TRPC6: variants seen among roughly 807,000 people sequenced by gnomAD.
The protein encoded by TRPC6 is short transient receptor potential channel 6.
TRPC6 carries 55 observed loss-of-function variants against 90.7 expected under a neutral mutation model. The observed-to-expected ratio is 0.61, with a 90% confidence interval of 0.49 to 0.76. The LOEUF (loss-of-function observed/expected upper bound fraction) is 0.76, where lower values mean the gene tolerates loss of function less well. Among genes scored for constraint, TRPC6 ranks in the 30% least tolerant of loss-of-function variants. The pLI is 0.00. For synonymous variants in TRPC6, 393 were observed against 393.0 expected, an observed-to-expected ratio of 1.00 and a Z score of 0.00; for missense variants, 989 against 1,122.7, an observed-to-expected ratio of 0.88 and a Z score of 1.70.
At chr11:101,564,371 G>T (rs1016215214) in intron 1 of TRPC6, among the ~76,000 whole-genome samples, 3 of 152,000 alleles carry the variant, frequency 2.0e-5, no homozygotes, top group African/African-American at 7.2e-5. Flanking sequence ...TTTTTCCATG[G>T]AATTTTTGAG....
At chr11:101,481,174 C>T (rs139675560) in intron 5 of TRPC6, among the ~76,000 whole-genome samples, 3,339 of 152,242 alleles carry the variant, frequency 0.022, 54 homozygotes, top group Non-Finnish European at 0.03. Context: ...GAAGACATGT[C>T]CTGCCTTAGA....
intron 10 of TRPC6, among the ~76,000 whole-genome samples, chr11:101,460,105 A>C (rs1388039040): frequency 6.6e-6 from 1 of 152,022 alleles, no homozygotes; most frequent in Non-Finnish European, 1.5e-5. Flanking sequence ...AGTTTTGATA[A>C]GGAAGGAAAA....
intron 1 of TRPC6, among the ~76,000 whole-genome samples, chr11:101,506,591 A>G (rs972046208): frequency 6.6e-6 from 1 of 152,196 alleles, no homozygotes; most frequent in African/African-American, 2.4e-5. Context: ...TTCAAAATCA[A>G]CCAAACTGAT....
intron 1 of TRPC6, among the ~76,000 whole-genome samples, chr11:101,551,970 A>C (rs1861459846): frequency 6.6e-6 from 1 of 152,026 alleles, no homozygotes. Context: ...TGGGGAACTG[A>C]TACAAAAATA....
chr11:101,515,597 TCA>T (rs1245145948), intron 1 of TRPC6, among the ~76,000 whole-genome samples: 1 of 113,464 alleles, frequency 8.8e-6, no homozygotes, highest in African/African-American at 3.5e-5. Flanking sequence ...CCCTAGTTTG[TCA>T]CAGTTTTTAG....
chr11:101,531,256 A>G (rs1011666269), intron 1 of TRPC6, among the ~76,000 whole-genome samples: 2 of 152,364 alleles, frequency 1.3e-5, no homozygotes, highest in Admixed American at 1.3e-4. Flanking sequence ...GAAAAAACTC[A>G]ATCCCCATAA....
chr11:101,562,820 G>A lies in TRPC6; in HGVS notation c.170+20514C>T, dbSNP rs535923200. ...AACCTCAGCTCTCCGAATTACCTAC[G>A]TGACTTTGCAAAAGTTAGTTCATGT... On this transcript the variant is annotated intron_variant, in intron 1 of 12. Coordinates refer to ENST00000344327, the MANE Select transcript of TRPC6 (RefSeq NM_004621.6). Among the ~76,000 whole-genome samples the A allele has an allele frequency of 1.6e-4, 25 of 152,270 alleles. No individual in the cohort carries two copies. In the South Asian group the frequency reaches 4.1e-3, roughly 25 times the overall value.
chr11:101,469,774 G>A (rs1021843622), intron 9 of TRPC6, among the ~76,000 whole-genome samples: 1 of 152,104 alleles, frequency 6.6e-6, no homozygotes, highest in African/African-American at 2.4e-5. Flanking sequence ...ACTGAGTTCT[G>A]TAAGTTATAC....
At chr11:101,509,971 C>T (rs1860361685) in intron 1 of TRPC6, among the ~76,000 whole-genome samples, 1 of 152,036 alleles carries the variant, frequency 6.6e-6, no homozygotes, top group Admixed American at 6.6e-5. Context: ...CAACAGCAGG[C>T]ACAATGAATT....
At chr11:101,497,140 G>T (rs569422228) in intron 2 of TRPC6, among the ~76,000 whole-genome samples, 1 of 152,176 alleles carries the variant, frequency 6.6e-6, no homozygotes, top group East Asian at 1.9e-4. Flanking sequence ...ATATGATCTT[G>T]AAAAGGTTAT....
intron 1 of TRPC6, among the ~76,000 whole-genome samples, chr11:101,558,264 T>TAC (rs1565243266): frequency 2.4e-4 from 33 of 140,126 alleles, no homozygotes; most frequent in African/African-American, 4.1e-4. Flanking sequence ...TATACATGTA[T>TAC]ATGGGTATAC....
At chr11:101,517,000 T>C (rs2136768937) in intron 1 of TRPC6, among the ~76,000 whole-genome samples, 1 of 152,364 alleles carries the variant, frequency 6.6e-6, no homozygotes, top group South Asian at 2.1e-4. Context: ...AAACCAATTT[T>C]ACAAAAGCAA....
intron 1 of TRPC6, among the ~76,000 whole-genome samples, chr11:101,557,731 C>CA (rs1462477071): frequency 5.3e-5 from 8 of 151,596 alleles, no homozygotes; most frequent in South Asian, 2.1e-4. Flanking sequence ...AAGAACTACC[C>CA]AAAAAAAGAA....
At chr11:101,526,799 G>A (rs1860790066) in intron 1 of TRPC6, among the ~76,000 whole-genome samples, 1 of 137,426 alleles carries the variant, frequency 7.3e-6, no homozygotes. Context: ...GGGAGGCGGA[G>A]CTTGCAGTGA....
At position 101,471,361 on chromosome 11, in the gene TRPC6, A is replaced by G; in HGVS notation, c.2231T>C (p.Phe744Ser). The G allele has an allele frequency of 1.9e-6, 3 of 1,613,906 alleles. No individual in the cohort carries two copies. The highest frequency in any genetic ancestry group is 1.3e-5 in the African/African-American group (1 of 75,018). ...IEDDADVEWK[F>S]ARAKLWFSYF... ...GGAAAACCAGAGTTTGGCCCTTGCA[A>G]ATTTCCACTCCACATCAGCGTCATC... Residue 744 changes from phenylalanine (F) to serine (S), a missense_variant, in exon 9 of 13, where the codon TTT becomes TCT. Coordinates refer to ENST00000344327, the MANE Select transcript of TRPC6 (RefSeq NM_004621.6).
intron 1 of TRPC6, 27 bp downstream of exon 1, chr11:101,583,307 G>A: frequency 3.2e-6 from 5 of 1,558,724 alleles, no homozygotes; most frequent in Non-Finnish European, 4.3e-6. Context: ...GCCCGCGCCC[G>A]ATCCGCCCCG....
At chr11:101,482,116 C>A (rs895954294) in intron 5 of TRPC6, among the ~76,000 whole-genome samples, 3 of 152,154 alleles carry the variant, frequency 2.0e-5, no homozygotes, top group African/African-American at 4.8e-5. Flanking sequence ...TTCATAATAT[C>A]CCAATAACTC....
chr11:101,552,765 T>C (rs1861476992), intron 1 of TRPC6, among the ~76,000 whole-genome samples: 1 of 152,130 alleles, frequency 6.6e-6, no homozygotes, highest in African/African-American at 2.4e-5. Flanking sequence ...CAATTGGTAC[T>C]AAATATACAT....
Position 101,523,648 on chromosome 11 carries a change from G to T in TRPC6, c.171-18850C>A, listed in dbSNP as rs139121737. ...CCACATTTTCTCTTAGTTTAGACAG[G>T]AGTTCATTTCACAGATACTTATTGT... On this transcript the variant is annotated intron_variant, in intron 1 of 12. Transcript: ENST00000344327. 7.8e-3 allele frequency among the ~76,000 whole-genome samples: 1,195 copies of T among 152,232 alleles called. 14 individuals are homozygous for T. The highest frequency in any genetic ancestry group is 0.028 in the African/African-American group (1,148 of 41,528).
Sources: allele counts gnomAD v4.1 joint callset (sites outside exome capture counted in the v4.1 genomes callset), GRCh38; gene constraint gnomAD v4.1.1; transcripts MANE v1.5; gene names NCBI Gene and HGNC (gene_info 2026-07-23, HGNC 2026-07-21).